Variants in RMND5B observed in about 807,000 individuals in gnomAD.
RMND5B encodes the protein required for meiotic nuclear division 5 homolog B.
A neutral mutation model predicts 50.4 loss-of-function variants in RMND5B; 42 were observed. That is an observed-to-expected ratio of 0.83 (90% CI 0.65 to 1.08). RMND5B has a LOEUF of 1.08. Ranked by LOEUF, RMND5B falls within the 50% of genes least tolerant of loss-of-function variation. The probability of loss-of-function intolerance (pLI) is 0.00; values close to 1 mark genes in which losing one functional copy is unlikely to be tolerated. For missense variants in RMND5B, 463 were observed against 508.5 expected, an observed-to-expected ratio of 0.91 and a Z score of 0.86; for synonymous variants, 220 against 210.0, an observed-to-expected ratio of 1.05 and a Z score of -0.41.
chr5:178,143,084 C>A, intron 5 of RMND5B, 92 bp downstream of exon 5: 2 of 1,413,760 alleles, frequency 1.4e-6, no homozygotes, highest in Non-Finnish European at 1.9e-6. Flanking sequence ...TTCTCAAATC[C>A]ATTTATTTCC....
rs1307174647 is a variant in RMND5B at position 178,142,585 on chromosome 5, C to G, written c.142C>G (p.Leu48Val). The change falls in exon 4 of 11, where the codon CTC becomes GTC. Residue 48 changes from leucine to valine, a missense_variant and splice_region_variant. By Grantham distance (32) the Leu-to-Val change is conservative. Coordinates refer to ENST00000313386, the MANE Select transcript of RMND5B (RefSeq NM_022762.5). ...TCCTTATTCCACTTTCTCTGCAGCC[C>G]TCCAGGGGACCCCTCTCTCAGCCAC... ...QLRAELASAA[L>V]QGTPLSATLS... 1.9e-6 allele frequency: 3 copies of G among 1,610,222 alleles called. No homozygotes were observed. The highest frequency in any genetic ancestry group is 3.3e-5 in the Admixed American group (2 of 59,876).
At chr5:178,132,892 T>A (rs1758411568) in intron 2 of RMND5B, among the ~76,000 whole-genome samples, 1 of 119,684 alleles carries the variant, frequency 8.4e-6, no homozygotes, top group Non-Finnish European at 1.7e-5. Context: ...TTTGAGACAG[T>A]CTCACTCTGT....
Position 178,138,519 on chromosome 5 carries a change from T to TTTGTGTGTG in RMND5B, c.139+262_139+263insTGTGTGTGT. On this transcript the variant is annotated intron_variant, in intron 3 of 10. Transcript: ENST00000313386. This position sits in a 1 kb window ranked among gnomAD's most constrained non-coding sequence, Gnocchi z 5.1. ...TTTTTAACTTTTTTTCATTTTATAA[T>TTTGTGTGTG]TGTGTGTGTGTGTGTGTGTGTGTGT... The TTTGTGTGTG allele has an allele frequency of 3.3e-6, 1 of 300,398 alleles. No homozygotes were observed. Among genetic ancestry groups the TTTGTGTGTG allele is most frequent in the Non-Finnish European group, 5.6e-6 (1 of 179,056 alleles). 18.6% of individuals were successfully genotyped at this position (300,398 alleles called of 1,614,324 possible).
At position 178,150,288 on chromosome 5, in the gene RMND5B, AC is replaced by A. The variant is rs1211770575; in HGVS notation, c.*2258del. On this transcript the variant is annotated 3_prime_UTR_variant, in exon 11 of 11. Coordinates refer to ENST00000313386, the MANE Select transcript of RMND5B (RefSeq NM_022762.5). ...ACAGATAACTGACTATTTGGTTCTT[AC>A]CATCAGGCCAAACGGTAAGTTCCTT... 4.5e-6 allele frequency: 1 copy of A among 220,682 alleles called. No individual in the cohort carries two copies. The highest frequency in any genetic ancestry group is 2.3e-5 in the African/African-American group (1 of 43,124). The allele number at this position is 220,682 out of a possible 1,614,324, so 13.7% of individuals were successfully genotyped here. A position where few individuals can be genotyped will look rare whatever the true frequency, so the allele number is the denominator to read the frequency against.
rs1162853678 is a variant in RMND5B at position 178,146,226 on chromosome 5, C to G, written c.807C>G (p.Thr269=). 2 of 1,614,196 alleles carry G rather than the reference C, an allele frequency of 1.2e-6. No individual in the cohort carries two copies. The highest frequency in any genetic ancestry group is 2.2e-5 in the East Asian group (1 of 44,884). The part of the protein sequence containing the change: ...SHWAEICETF[T]RDACSLLGLS... The stretch of plus-strand genomic sequence containing the variant: ...GGGCAGAGATCTGTGAGACCTTTAC[C>G]CGGGACGCCTGTTCCCTGCTGGGGC... Residue 269 remains threonine, a synonymous_variant, in exon 8 of 11, where the codon ACC becomes ACG. Coordinates refer to ENST00000313386, the MANE Select transcript of RMND5B (RefSeq NM_022762.5).
In RMND5B at chr5:178,148,252, A is replaced by G; in HGVS notation, c.*220A>G. 1.7e-6 allele frequency: 1 copy of G among 597,184 alleles called. No individual in the cohort carries two copies. The highest frequency in any genetic ancestry group is 2.0e-5 in the South Asian group (1 of 50,626). The allele number at this position is 597,184 out of a possible 1,614,324, so 37.0% of individuals were successfully genotyped here. ...GGCTCCATGGCATAAGGAAAGGGAGATGCTGGCCTCTGTGCTCCTGCTGTC... is the reference window on the plus strand; with the variant it reads ...GGCTCCATGGCATAAGGAAAGGGAGGTGCTGGCCTCTGTGCTCCTGCTGTC... On this transcript the variant is annotated 3_prime_UTR_variant, in exon 11 of 11. Transcript: ENST00000313386.
At chr5:178,140,387 A>C (rs1011581575) in intron 3 of RMND5B, among the ~76,000 whole-genome samples, 1 of 151,386 alleles carries the variant, frequency 6.6e-6, no homozygotes, top group Non-Finnish European at 1.5e-5. Flanking sequence ...TATGCTGTCC[A>C]AGACGGTGTC....
chr5:178,131,904 T>G (rs773480765), intron 2 of RMND5B, among the ~76,000 whole-genome samples: 63 of 150,664 alleles, frequency 4.2e-4, no homozygotes, highest in Non-Finnish European at 7.5e-4. Context: ...TCACATAGAG[T>G]CTGTAGGTCA....
At chr5:178,146,750 T>C (rs778133135) in intron 8 of RMND5B, 14 of 157,962 alleles carry the variant, frequency 8.9e-5, no homozygotes, top group Admixed American at 1.8e-4. Flanking sequence ...TTATCCTCCT[T>C]CTACAGATGA....
rs1051667499 is a variant in RMND5B at position 178,137,066 on chromosome 5, C to T, written c.-12-1042C>T. The stretch of plus-strand genomic sequence containing the variant: ...TAGAGACAGCTGCTGAAGACGCTGA[C>T]GTCTGAGCTAACTCAGAAGTGATGG... On this transcript the variant is annotated intron_variant, in intron 2 of 10. Transcript: ENST00000313386. This position sits in a 1 kb window ranked among gnomAD's most constrained non-coding sequence, Gnocchi z 4.4. Among the ~76,000 whole-genome samples, 97 of 152,096 alleles carry T rather than the reference C, an allele frequency of 6.4e-4. No individual in the cohort carries two copies. The highest frequency in any genetic ancestry group is 2.2e-3 in the African/African-American group (91 of 41,394).
intron 7 of RMND5B, among the ~76,000 whole-genome samples, chr5:178,144,574 A>G (rs886881774): frequency 1.3e-5 from 2 of 152,046 alleles, no homozygotes; most frequent in African/African-American, 2.4e-5. Context: ...TCTACTAAAA[A>G]TACAAAAAAA....
In RMND5B at chr5:178,138,557, T is replaced by C. The variant is rs746118547; in HGVS notation, c.139+299T>C. Reference sequence around the variant, plus strand: ...TGTGTGTGTGTGTGTGTAGAAACAGTGTCTTTGTTGCCTAGGCTGGTCTTT... The same window carrying C: ...TGTGTGTGTGTGTGTGTAGAAACAGCGTCTTTGTTGCCTAGGCTGGTCTTT... On this transcript the variant is annotated intron_variant, in intron 3 of 10. Transcript: ENST00000313386. This position sits in a 1 kb window ranked among gnomAD's most constrained non-coding sequence, Gnocchi z 5.1. Among the ~76,000 whole-genome samples the C allele has an allele frequency of 5.9e-5, 8 of 135,424 alleles. No individual in the cohort carries two copies. Among genetic ancestry groups the C allele is most frequent in the Non-Finnish European group, 1.3e-4 (8 of 61,672 alleles). The allele number at this position is 135,424 out of a possible 152,430, so 88.8% of individuals were successfully genotyped here.
intron 9 of RMND5B, 36 bp downstream of exon 9, chr5:178,147,671 A>C: frequency 1.2e-6 from 2 of 1,614,034 alleles, no homozygotes; most frequent in African/African-American, 2.7e-5. Context: ...GGCAAGAGGT[A>C]CTGGGGAGGA....
chr5:178,142,422 A>T, intron 3 of RMND5B, 161 bp from the exon 4 acceptor site: 1 of 813,290 alleles, frequency 1.2e-6, no homozygotes, highest in Non-Finnish European at 2.0e-6. Context: ...TCAGACAGTT[A>T]AAAAGTGGCA....
chr5:178,134,507 A>G (rs970495828), intron 2 of RMND5B, among the ~76,000 whole-genome samples: 3 of 152,172 alleles, frequency 2.0e-5, no homozygotes, highest in African/African-American at 4.8e-5. Flanking sequence ...ATTTCAATCT[A>G]TTAATCATGA....
rs780125570 is a variant in RMND5B at position 178,138,340 on chromosome 5, C to T, written c.139+82C>T. 4.8e-5 allele frequency: 74 copies of T among 1,535,712 alleles called. No individual in the cohort carries two copies. The highest frequency in any genetic ancestry group is 6.1e-5 in the Admixed American group (3 of 49,578). On this transcript the variant is annotated intron_variant, in intron 3 of 10. Transcript: ENST00000313386. This position sits in a 1 kb window ranked among gnomAD's most constrained non-coding sequence, Gnocchi z 5.1. ...CCGAAGCTACTGAGTGACAGGGTTC[C>T]GGAAGGACGATGATGAGGATGTTGG...
chr5:178,147,181 C>T (rs768196023), intron 8 of RMND5B: 7 of 275,522 alleles, frequency 2.5e-5, no homozygotes, highest in African/African-American at 4.4e-5. Flanking sequence ...GACTACACAG[C>T]AGGGTACGTC....
intron 3 of RMND5B, chr5:178,142,173 T>C (rs1758981534): frequency 6.0e-6 from 1 of 166,220 alleles, no homozygotes; most frequent in Non-Finnish European, 1.3e-5. Context: ...TGTGGACATA[T>C]GTTTTTATTT....
rs1326663031 is a variant in RMND5B, at chr5:178,149,428, C to T, written c.*1396C>T. The T allele has an allele frequency of 2.6e-6, 1 of 384,570 alleles. No homozygotes were observed. The highest frequency in any genetic ancestry group is 5.0e-6 in the Non-Finnish European group (1 of 201,486). 23.8% of individuals were successfully genotyped at this position (384,570 alleles called of 1,614,324 possible). On this transcript the variant is annotated 3_prime_UTR_variant, in exon 11 of 11. Coordinates refer to ENST00000313386, the MANE Select transcript of RMND5B (RefSeq NM_022762.5). ...ACCAACTCGCTGGCCCAACCAGCAG[C>T]TGCTGCTTAAGAAAACACCCACAGA...
Sources: gnomAD v4.1 joint callset for allele counts (sites outside exome capture counted in the v4.1 genomes callset) on GRCh38, gnomAD v4.1.1 for gene constraint, Gnocchi (gnomAD v3.1) non-coding constraint, MANE v1.5 for transcripts, NCBI Gene and HGNC (gene_info 2026-07-23, HGNC 2026-07-21) for gene names.